Variants in GSE1 observed in about 807,000 individuals in gnomAD.
GSE1 encodes genetic suppressor element 1.
In GSE1, 32 loss-of-function variants were observed where a neutral mutation model predicts 112.6. The observed-to-expected ratio is 0.28, with a 90% CI of 0.21 to 0.38. The LOEUF is 0.38. Among genes scored for constraint, GSE1 ranks in the 10% least tolerant of loss-of-function variants. The probability of loss-of-function intolerance (pLI) is 1.00; values close to 1 mark genes in which losing one functional copy is unlikely to be tolerated. For synonymous variants in GSE1, 1,115 were observed against 735.6 expected (o/e 1.52, Z -8.35); for missense variants, 2,348 against 1,699.2 (o/e 1.38, Z -6.71).
chr16:85,492,596 C>T (rs896198377), intron 2 of GSE1, among the ~76,000 whole-genome samples: 9 of 152,284 alleles, frequency 5.9e-5, no homozygotes, highest in Admixed American at 4.6e-4. Flanking sequence ...CCAGAGAGGC[C>T]GAACAGCTTG....
intron 1 of GSE1, among the ~76,000 whole-genome samples, chr16:85,260,839 A>G (rs999165773): frequency 1.3e-5 from 2 of 152,208 alleles, no homozygotes; most frequent in Non-Finnish European, 2.9e-5. Flanking sequence ...TGATGAGCGC[A>G]TGGGGCGTGG....
chr16:85,409,878 G>A (rs1342754015), intron 2 of GSE1, among the ~76,000 whole-genome samples: 2 of 7,444 alleles, frequency 2.7e-4, no homozygotes, highest in Non-Finnish European at 3.0e-4. Context: ...AGGGCCCCCT[G>A]GATAATCCTC....
At chr16:85,223,074 G>A (rs1423051882) in intron 1 of GSE1, among the ~76,000 whole-genome samples, 3 of 152,098 alleles carry the variant, frequency 2.0e-5, no homozygotes, top group Non-Finnish European at 2.9e-5. Flanking sequence ...TCTCAGGTAC[G>A]GGGCCGGCGG....
At chr16:85,218,929 G>C (rs1367420502) in intron 1 of GSE1, among the ~76,000 whole-genome samples, 2 of 152,176 alleles carry the variant, frequency 1.3e-5, no homozygotes, top group Admixed American at 1.3e-4. Context: ...GCCCAGGCTG[G>C]AGTGCAGTGG....
At chr16:85,346,665 ATGGATGGATGATGGG>A (rs968886234) in intron 1 of GSE1, among the ~76,000 whole-genome samples, 9 of 144,856 alleles carry the variant, frequency 6.2e-5, no homozygotes, top group Non-Finnish European at 1.2e-4. Flanking sequence ...TGGATGGATG[ATGGATGGATGATGGG>A]TGGATGGATG....
chr16:85,207,101 G>A (rs1418333364), intron 1 of GSE1, among the ~76,000 whole-genome samples: 1 of 152,206 alleles, frequency 6.6e-6, no homozygotes, highest in East Asian at 1.9e-4. Context: ...CTGGCGGCTT[G>A]GGGCTCTTGG....
intron 2 of GSE1, among the ~76,000 whole-genome samples, chr16:85,453,615 C>G (rs1325251666): frequency 2.0e-5 from 3 of 152,104 alleles, no homozygotes; most frequent in African/African-American, 7.2e-5. Context: ...GTTTGTGCCC[C>G]TCACCCCATG....
intron 1 of GSE1, chr16:85,579,959 G>A (rs113556839): frequency 2.0e-5 from 3 of 152,278 alleles, no homozygotes; most frequent in African/African-American, 4.8e-5. Context: ...ATCCTGGAGC[G>A]GCTGGAACTG....
At chr16:85,422,317 G>T (rs1462293900) in intron 2 of GSE1, among the ~76,000 whole-genome samples, 1 of 152,172 alleles carries the variant, frequency 6.6e-6, no homozygotes. Context: ...CACAGGCGAG[G>T]CTCCCGGCAA....
chr16:85,409,994 A>T (rs1359261522), intron 2 of GSE1, among the ~76,000 whole-genome samples: 4 of 27,794 alleles, frequency 1.4e-4, no homozygotes, highest in African/African-American at 1.0e-3. Flanking sequence ...TCACTGTTAC[A>T]CTCAGGCCCC....
chr16:85,666,608 G>T, intron 13 of GSE1: 1 of 514,668 alleles, frequency 1.9e-6, no homozygotes, highest in Non-Finnish European at 3.5e-6. Flanking sequence ...GCATCGATCG[G>T]TAAGAGGTAA....
upstream of GSE1, chr16:85,555,729 G>C (rs1183645536): frequency 4.1e-6 from 4 of 966,894 alleles, no homozygotes; most frequent in African/African-American, 7.9e-5. Flanking sequence ...GTTGGAAACA[G>C]GTCTCTTGAC....
At chr16:85,598,420 G>A (rs745837683) in intron 1 of GSE1, among the ~76,000 whole-genome samples, 2 of 152,150 alleles carry the variant, frequency 1.3e-5, no homozygotes, top group African/African-American at 2.4e-5. Flanking sequence ...CCAGAGCCGC[G>A]TGTCTGGCCC....
intron 8 of GSE1, among the ~76,000 whole-genome samples, chr16:85,658,244 GTCATATACCCCCAGGGC>G (rs2052139833): frequency 6.6e-6 from 1 of 152,074 alleles, no homozygotes; most frequent in Non-Finnish European, 1.5e-5. Flanking sequence ...AGGCCCCCAC[GTCATATACCCCCAGGGC>G]TCACTCTGAA....
intron 2 of GSE1, among the ~76,000 whole-genome samples, chr16:85,535,307 C>T (rs887287116): frequency 2.6e-5 from 4 of 152,234 alleles, no homozygotes; most frequent in Non-Finnish European, 4.4e-5. Context: ...CCTCGGGGAA[C>T]GAGGTGCTCG....
In GSE1 at chr16:85,366,132, C is replaced by T. The variant is rs78437034; in HGVS notation, c.2464+8489C>T. 9.1e-3 allele frequency among the ~76,000 whole-genome samples: 1,387 copies of T among 152,398 alleles called. 21 individuals carry two copies. The highest frequency in any genetic ancestry group is 0.031 in the African/African-American group (1,291 of 41,596). On this transcript the variant is annotated intron_variant, in intron 2 of 2. Transcript: ENST00000637419. Reference sequence around the variant, plus strand: ...CTCCACCGCCGGGAAGGCGGGACTGCGCTCGGGTACTGGGCTCCGGCCTCC... The same window carrying T: ...CTCCACCGCCGGGAAGGCGGGACTGTGCTCGGGTACTGGGCTCCGGCCTCC...
intron 2 of GSE1, among the ~76,000 whole-genome samples, chr16:85,386,274 C>A (rs1288354766): frequency 1.3e-5 from 2 of 152,236 alleles, no homozygotes; most frequent in Non-Finnish European, 2.9e-5. Flanking sequence ...GCCTGCGTGC[C>A]TGACACCAGG....
At chr16:85,455,065 G>A (rs1187249153) in intron 2 of GSE1, among the ~76,000 whole-genome samples, 3 of 152,214 alleles carry the variant, frequency 2.0e-5, no homozygotes, top group Non-Finnish European at 2.9e-5. Flanking sequence ...TGCATCCCAC[G>A]AGGCTTCGTA....
intron 2 of GSE1, among the ~76,000 whole-genome samples, chr16:85,374,604 GGT>G (rs2047379060): frequency 6.6e-6 from 1 of 151,984 alleles, no homozygotes; most frequent in Non-Finnish European, 1.5e-5. Flanking sequence ...CAGGTCTCAG[GGT>G]GTGTGGCTGC....
Sources: gnomAD v4.1 joint callset for allele counts (sites outside exome capture counted in the v4.1 genomes callset) on GRCh38, gnomAD v4.1.1 for gene constraint, MANE v1.5 for transcripts, NCBI Gene and HGNC (gene_info 2026-07-23, HGNC 2026-07-21) for gene names.